The following CDH13 variants were observed in gnomAD, a reference collection of about 807,000 sequenced individuals.
CDH13 encodes the protein cadherin 13, also known as cadherin-13.
Under a neutral mutation model 63.8 loss-of-function variants are expected in CDH13, and 24 were observed. The ratio of observed to expected loss-of-function variants is 0.38; its 90% CI spans 0.27 to 0.53. CDH13 has a LOEUF of 0.53. Among genes scored for constraint, CDH13 ranks in the 20% least tolerant of loss-of-function variants. The probability of loss-of-function intolerance (pLI) is 0.85; values close to 1 mark genes in which losing one functional copy is unlikely to be tolerated. For missense variants in CDH13, 1,049 were observed against 903.1 expected, an observed-to-expected ratio of 1.16 and a Z score of -2.07; for synonymous variants, 503 against 355.3, an observed-to-expected ratio of 1.42 and a Z score of -4.67.
At chr16:82,694,906 AG>A (rs747235542) in intron 1 of CDH13, among the ~76,000 whole-genome samples, 63 of 152,282 alleles carry the variant, frequency 4.1e-4, no homozygotes, top group Non-Finnish European at 9.1e-4. Flanking sequence ...TGAGCATAAC[AG>A]ATGGAACTGA....
intron 8 of CDH13, among the ~76,000 whole-genome samples, chr16:83,656,108 C>T (rs1043374925): frequency 6.6e-6 from 1 of 152,186 alleles, no homozygotes; most frequent in African/African-American, 2.4e-5. Flanking sequence ...CACACCCAGC[C>T]CCTGGCAACC....
chr16:83,099,297 A>G (rs748720536), intron 3 of CDH13, among the ~76,000 whole-genome samples: 2 of 152,142 alleles, frequency 1.3e-5, no homozygotes, highest in African/African-American at 4.8e-5. Context: ...AAACAATTCT[A>G]TGATGTAGGT....
At chr16:82,714,903 G>A (rs1190188055) in intron 1 of CDH13, among the ~76,000 whole-genome samples, 41 of 128,518 alleles carry the variant, frequency 3.2e-4, no homozygotes, top group African/African-American at 1.1e-3. Context: ...TGACTTTTCT[G>A]ACACTTTGAT....
rs7205335 is a variant in CDH13, at chr16:82,632,585, C to T, written c.45+5448C>T. Among the ~76,000 whole-genome samples, 560 of 152,216 alleles carry T rather than the reference C, an allele frequency of 3.7e-3. 1 individual carries two copies. Among genetic ancestry groups the T allele is most frequent in the African/African-American group, 0.011 (476 of 41,534 alleles). ...ACAAAATGTCATCACGCACCAGCAG[C>T]CAAGGGACTCTGAAACCCTGGGATC... On this transcript the variant is annotated intron_variant, in intron 1 of 13. Transcript: ENST00000567109.
At chr16:83,644,501 C>G (rs1414282545) in intron 8 of CDH13, among the ~76,000 whole-genome samples, 1 of 152,192 alleles carries the variant, frequency 6.6e-6, no homozygotes. Context: ...AAATGCCTGG[C>G]CCAAAAGTAT....
At chr16:83,439,003 GA>G (rs773034199) in intron 6 of CDH13, among the ~76,000 whole-genome samples, 2 of 151,770 alleles carry the variant, frequency 1.3e-5, no homozygotes, top group Non-Finnish European at 2.9e-5. Flanking sequence ...AGGAAAGGGA[GA>G]AAAAAAAGAA....
At chr16:83,461,560 G>A (rs1598075374) in intron 6 of CDH13, among the ~76,000 whole-genome samples, 2 of 152,120 alleles carry the variant, frequency 1.3e-5, no homozygotes, top group East Asian at 3.9e-4. Context: ...AAACAATATT[G>A]GGGTCTTAGT....
chr16:82,913,637 C>T (rs7190538), intron 2 of CDH13, among the ~76,000 whole-genome samples: 40,047 of 152,008 alleles, frequency 0.26, 6,322 homozygotes, highest in Non-Finnish European at 0.37. Flanking sequence ...GCACAAGATG[C>T]GATCGCTGAC....
chr16:83,500,273 CTT>C (rs2074242488), intron 7 of CDH13, among the ~76,000 whole-genome samples: 1 of 3,054 alleles, frequency 3.3e-4, no homozygotes, highest in African/African-American at 4.0e-4. Flanking sequence ...TCTTCTTCTT[CTT>C]CTTCTTCTTC....
chr16:82,808,053 G>A (rs1271579387), intron 1 of CDH13, among the ~76,000 whole-genome samples: 1 of 152,152 alleles, frequency 6.6e-6, no homozygotes. Flanking sequence ...ATGGGGAGGA[G>A]AGAGTGTAGT....
intron 7 of CDH13, among the ~76,000 whole-genome samples, chr16:83,590,903 CTTTTTTTTTTTT>C (rs34324940): frequency 1.1e-5 from 1 of 88,852 alleles, no homozygotes. Flanking sequence ...CCAGGGGATT[CTTTTTTTTTTTT>C]TTTTTTTTTT....
intron 2 of CDH13, among the ~76,000 whole-genome samples, chr16:82,919,956 T>C (rs1567662172): frequency 1.3e-5 from 2 of 152,190 alleles, no homozygotes; most frequent in African/African-American, 4.8e-5. Flanking sequence ...AAGAGGGCAA[T>C]AGTGAGATTT....
At chr16:82,950,868 A>T (rs1435116957) in intron 2 of CDH13, among the ~76,000 whole-genome samples, 1 of 145,926 alleles carries the variant, frequency 6.9e-6, no homozygotes, top group African/African-American at 2.6e-5. Flanking sequence ...GCAGTGAGAG[A>T]GTTGTATGCA....
intron 7 of CDH13, among the ~76,000 whole-genome samples, chr16:83,506,503 C>A (rs911244384): frequency 6.6e-6 from 1 of 152,196 alleles, no homozygotes; most frequent in Non-Finnish European, 1.5e-5. Context: ...AACTCACCCT[C>A]GTTCCAATGG....
At chr16:82,870,674 G>A (rs968619209) in intron 2 of CDH13, among the ~76,000 whole-genome samples, 16 of 152,156 alleles carry the variant, frequency 1.1e-4, no homozygotes, top group African/African-American at 3.9e-4. Context: ...ATAAAGGTCT[G>A]AAGTGATGAA....
intron 5 of CDH13, among the ~76,000 whole-genome samples, chr16:83,248,978 C>T (rs937334295): frequency 6.6e-6 from 1 of 152,206 alleles, no homozygotes; most frequent in Non-Finnish European, 1.5e-5. Context: ...CCAGCTTTCA[C>T]TCTTTGAGTG....
Position 83,748,393 on chromosome 16 carries a change from T to C in CDH13, c.1681+143T>C, listed in dbSNP as rs1015580815. ...GAACAGCAAAGTAAATGTTTAAATATACACATGTTGAGTTCAGTAATATCT... is the reference window on the plus strand; with the variant it reads ...GAACAGCAAAGTAAATGTTTAAATACACACATGTTGAGTTCAGTAATATCT... On this transcript the variant is annotated intron_variant, in intron 11 of 13. Transcript: ENST00000567109. The C allele has an allele frequency of 8.4e-6, 6 of 710,372 alleles. No homozygotes were observed. In the African/African-American group the frequency reaches 8.8e-5, roughly 10 times the overall value. 44.0% of individuals were successfully genotyped at this position (710,372 alleles called of 1,614,324 possible).
At chr16:83,049,964 A>G (rs1043403657) in intron 3 of CDH13, among the ~76,000 whole-genome samples, 1 of 152,220 alleles carries the variant, frequency 6.6e-6, no homozygotes, top group Non-Finnish European at 1.5e-5. Flanking sequence ...AGATGATGCT[A>G]CAAAAATAGT....
intron 13 of CDH13, among the ~76,000 whole-genome samples, chr16:83,793,312 C>G (rs1428642823): frequency 1.3e-5 from 2 of 152,106 alleles, no homozygotes; most frequent in African/African-American, 4.8e-5. Flanking sequence ...AAACACGCCT[C>G]ATTTTGAAAC....
Sources: gnomAD v4.1 joint callset for allele counts (sites outside exome capture counted in the v4.1 genomes callset) on GRCh38, gnomAD v4.1.1 for gene constraint, MANE v1.5 for transcripts, NCBI Gene and HGNC (gene_info 2026-07-23, HGNC 2026-07-21) for gene names.